NKAIN3: variants seen among roughly 807,000 people sequenced by gnomAD.
NKAIN3 encodes sodium/potassium transporting ATPase interacting 3.
NKAIN3 carries 25 observed loss-of-function variants against 30.2 expected under a neutral mutation model. That is an observed-to-expected ratio of 0.83 (90% CI 0.60 to 1.16). The LOEUF is 1.16. NKAIN3 is among the 50% of genes most tolerant of loss of function. The pLI, the probability that NKAIN3 is intolerant of heterozygous loss-of-function variation, is 0.00. For missense variants in NKAIN3, 225 were observed against 254.1 expected, an observed-to-expected ratio of 0.89 and a Z score of 0.78; for synonymous variants, 91 against 89.6, an observed-to-expected ratio of 1.02 and a Z score of -0.09.
chr8:62,691,536 T>A (rs1010167488), intron 3 of NKAIN3, among the ~76,000 whole-genome samples: 1 of 152,200 alleles, frequency 6.6e-6, no homozygotes, highest in Non-Finnish European at 1.5e-5. Flanking sequence ...TACAATGTTG[T>A]TGCTATTGGT....
intron 1 of NKAIN3, among the ~76,000 whole-genome samples, chr8:62,520,873 A>T (rs976364545): frequency 6.6e-6 from 1 of 151,868 alleles, no homozygotes; most frequent in African/African-American, 2.4e-5. Context: ...AGACAAGCGA[A>T]ATGTCACAAA....
At chr8:62,648,414 T>C (rs1812530650) in intron 3 of NKAIN3, among the ~76,000 whole-genome samples, 1 of 152,194 alleles carries the variant, frequency 6.6e-6, no homozygotes, top group South Asian at 2.1e-4. Flanking sequence ...TAGTCCTATG[T>C]CTTAGCCCAT....
chr8:62,865,214 AG>A lies in NKAIN3; in HGVS notation c.472-53238del, dbSNP rs576566691. Among the ~76,000 whole-genome samples, 26 of 152,290 alleles carry A rather than the reference AG, an allele frequency of 1.7e-4. No homozygotes were observed. The South Asian group carries it at 5.2e-3, about 30-fold the overall frequency. ...GGCTGGCCCCATGAAGATGCTGCAT[AG>A]TTTACAGATTTCCTGATCCCGATGT... On this transcript the variant is annotated intron_variant, in intron 4 of 6. Coordinates refer to ENST00000623646, the MANE Select transcript of NKAIN3 (RefSeq NM_001304533.3).
chr8:62,623,669 G>A (rs886802122), intron 3 of NKAIN3, among the ~76,000 whole-genome samples: 1 of 151,894 alleles, frequency 6.6e-6, no homozygotes, highest in Non-Finnish European at 1.5e-5. Context: ...AGGTCTGCTG[G>A]CCACAACTTC....
At chr8:62,587,288 AAC>A (rs1437484564) in intron 2 of NKAIN3, among the ~76,000 whole-genome samples, 1 of 152,030 alleles carries the variant, frequency 6.6e-6, no homozygotes, top group Non-Finnish European at 1.5e-5. Flanking sequence ...TCAGCAAAGA[AAC>A]ACAAATTTAT....
chr8:62,552,980 G>T (rs1809264982), intron 1 of NKAIN3, among the ~76,000 whole-genome samples: 1 of 152,200 alleles, frequency 6.6e-6, no homozygotes, highest in Admixed American at 6.5e-5. Flanking sequence ...GGTGGTAGTT[G>T]TGGTGGAGAC....
chr8:62,799,003 T>C (rs1345505315), intron 4 of NKAIN3, among the ~76,000 whole-genome samples: 1 of 152,116 alleles, frequency 6.6e-6, no homozygotes, highest in East Asian at 1.9e-4. Context: ...AAGGTGTCCA[T>C]CAAAGGGGGT....
intron 3 of NKAIN3, among the ~76,000 whole-genome samples, chr8:62,624,386 T>C (rs1811725502): frequency 6.6e-6 from 1 of 152,020 alleles, no homozygotes. Context: ...GGTTGGTATT[T>C]TTTTTTTCTC....
chr8:62,292,516 A>T (rs1250018983), intron 1 of NKAIN3, among the ~76,000 whole-genome samples: 1 of 152,196 alleles, frequency 6.6e-6, no homozygotes, highest in African/African-American at 2.4e-5. Flanking sequence ...GCTGGATATG[A>T]AATTCTGGGT....
intron 4 of NKAIN3, among the ~76,000 whole-genome samples, chr8:62,787,973 AGTGCCGCAATAAACATAC>A (rs1253344004): frequency 2.8e-4 from 43 of 152,294 alleles, no homozygotes; most frequent in Middle Eastern, 6.8e-3. Flanking sequence ...TATTGTGAAT[AGTGCCGCAATAAACATAC>A]ATGTGCATGT....
At chr8:62,352,290 C>T (rs1185903097) in intron 1 of NKAIN3, among the ~76,000 whole-genome samples, 1 of 152,176 alleles carries the variant, frequency 6.6e-6, no homozygotes, top group Non-Finnish European at 1.5e-5. Flanking sequence ...TCTCATCCCT[C>T]AGCACTCTGA....
intron 1 of NKAIN3, among the ~76,000 whole-genome samples, chr8:62,500,449 GAAA>G (rs1782331975): frequency 8.6e-6 from 1 of 116,336 alleles, no homozygotes; most frequent in African/African-American, 3.8e-5. Context: ...AAGAAAGAAA[GAAA>G]GAAAGAAAGA....
At chr8:62,906,130 G>C (rs770121482) in intron 4 of NKAIN3, among the ~76,000 whole-genome samples, 2 of 152,144 alleles carry the variant, frequency 1.3e-5, no homozygotes, top group Non-Finnish European at 2.9e-5. Context: ...ATGATAAATG[G>C]AGAAAAGAGA....
chr8:62,268,595 T>C (rs1462265978), intron 1 of NKAIN3, among the ~76,000 whole-genome samples: 1 of 152,228 alleles, frequency 6.6e-6, no homozygotes, highest in Non-Finnish European at 1.5e-5. Flanking sequence ...TCAAGTTTTA[T>C]GCAATACCTG....
intron 1 of NKAIN3, among the ~76,000 whole-genome samples, chr8:62,314,537 T>C (rs1375431928): frequency 5.3e-5 from 8 of 152,222 alleles, no homozygotes; most frequent in Non-Finnish European, 8.8e-5. Flanking sequence ...AGCTGATCTT[T>C]CCTTGTGAAA....
At chr8:62,412,847 G>T (rs1804291325) in intron 1 of NKAIN3, among the ~76,000 whole-genome samples, 1 of 147,532 alleles carries the variant, frequency 6.8e-6, no homozygotes, top group African/African-American at 2.5e-5. Context: ...AGGAGGTGAA[G>T]GTTGCAGTGA....
At chr8:62,297,711 T>C (rs1172662442) in intron 1 of NKAIN3, among the ~76,000 whole-genome samples, 1 of 152,066 alleles carries the variant, frequency 6.6e-6, no homozygotes, top group Non-Finnish European at 1.5e-5. Context: ...AGGAACACTT[T>C]TACACTGTTG....
chr8:62,472,542 A>T (rs954430454), intron 1 of NKAIN3, among the ~76,000 whole-genome samples: 19 of 152,204 alleles, frequency 1.2e-4, no homozygotes, highest in African/African-American at 4.6e-4. Flanking sequence ...CATGCTTTCA[A>T]GGGTAGGTCA....
intron 3 of NKAIN3, among the ~76,000 whole-genome samples, chr8:62,648,108 C>T (rs971029757): frequency 1.3e-5 from 2 of 152,070 alleles, no homozygotes; most frequent in Non-Finnish European, 2.9e-5. Flanking sequence ...AGAAAAACAT[C>T]AAGGGAAGGG....
Sources: gnomAD v4.1 joint callset for allele counts (sites outside exome capture counted in the v4.1 genomes callset) on GRCh38, gnomAD v4.1.1 for gene constraint, MANE v1.5 for transcripts, NCBI Gene and HGNC (gene_info 2026-07-23, HGNC 2026-07-21) for gene names.